The following CYRIB variants were observed in gnomAD, a reference collection of about 807,000 sequenced individuals.
CYRIB encodes the protein CYFIP-related Rac1 interactor B.
A neutral mutation model predicts 44.2 loss-of-function variants in CYRIB; 8 were observed. The observed-to-expected ratio is 0.18, with a 90% CI of 0.11 to 0.33. CYRIB has a LOEUF of 0.33. Ranked by LOEUF, CYRIB falls within the 10% of genes least tolerant of loss-of-function variation. The pLI, the probability that CYRIB is intolerant of heterozygous loss-of-function variation, is 1.00. For missense variants in CYRIB, 185 were observed against 382.8 expected (o/e 0.48, Z 4.31); for synonymous variants, 131 against 127.2 (o/e 1.03, Z -0.20).
chr8:130,004,614 T>G (rs1485023810), intron 1 of CYRIB: 1 of 152,142 alleles, frequency 6.6e-6, no homozygotes, highest in Admixed American at 6.5e-5. Context: ...TTTTCTATTT[T>G]TTGTATATTG....
chr8:130,016,520 C>T, upstream of CYRIB: 1 of 159,630 alleles, frequency 6.3e-6, no homozygotes, highest in Non-Finnish European at 1.3e-5. Context: ...GCAGCAGCAG[C>T]AGCAGCAGCA....
chr8:130,003,078 C>T (rs1219001945), intron 1 of CYRIB, among the ~76,000 whole-genome samples: 1 of 152,144 alleles, frequency 6.6e-6, no homozygotes, highest in East Asian at 1.9e-4. Context: ...ATTAGGGAAC[C>T]ACTGCTGTTC....
intron 2 of CYRIB, among the ~76,000 whole-genome samples, chr8:129,966,967 T>C (rs1455080784): frequency 3.3e-5 from 5 of 152,158 alleles, no homozygotes; most frequent in Admixed American, 6.5e-5. Context: ...AATGCTGGGA[T>C]TGCAGGCATA....
chr8:129,855,750 A>T lies in CYRIB; in HGVS notation c.302-3T>A. The T allele has an allele frequency of 1.9e-6, 3 of 1,592,296 alleles. No homozygotes were observed. The highest frequency in any genetic ancestry group is 2.6e-6 in the Non-Finnish European group (3 of 1,171,270). ...CAGAAGACCTCTTAATGCTGCTTCT[A>T]AAGAAAAAAATTGAAAAAAACATTA... is the stretch of plus-strand genomic sequence containing the variant. On this transcript the variant is annotated splice_region_variant and splice_polypyrimidine_tract_variant and intron_variant, in intron 5 of 11. Coordinates refer to ENST00000519824, the Ensembl canonical transcript of CYRIB.
At chr8:129,905,069 G>C (rs999614853) in intron 1 of CYRIB, among the ~76,000 whole-genome samples, 2 of 152,186 alleles carry the variant, frequency 1.3e-5, no homozygotes, top group Non-Finnish European at 2.9e-5. Context: ...CAGGCCAAAT[G>C]AAACAGTCTA....
At chr8:129,947,674 G>A (rs2094246003) in intron 2 of CYRIB, 1 of 152,164 alleles carries the variant, frequency 6.6e-6, no homozygotes, top group Admixed American at 6.5e-5. Flanking sequence ...GCAAATGAAA[G>A]AAAAAATAAA....
chr8:129,881,895 A>C (rs1564566439), intron 2 of CYRIB, among the ~76,000 whole-genome samples: 1 of 152,236 alleles, frequency 6.6e-6, no homozygotes. Context: ...AAAGGAAAAG[A>C]TAAACATTTT....
At chr8:129,988,450 TC>T (rs963719249) in intron 1 of CYRIB, among the ~76,000 whole-genome samples, 7 of 152,174 alleles carry the variant, frequency 4.6e-5, no homozygotes, top group African/African-American at 1.4e-4. Context: ...TATGCTGAGA[TC>T]CTTCCCACCT....
intron 4 of CYRIB, among the ~76,000 whole-genome samples, chr8:129,866,077 A>G (rs116479851): frequency 0.044 from 6,682 of 152,288 alleles, 236 homozygotes; most frequent in African/African-American, 0.096. Flanking sequence ...GAGAAAAGTC[A>G]TAATTGAAGC....
chr8:129,914,894 A>G (rs990822115), intron 1 of CYRIB, among the ~76,000 whole-genome samples: 3 of 152,234 alleles, frequency 2.0e-5, no homozygotes, highest in Admixed American at 2.0e-4. Flanking sequence ...AACAGGCAAA[A>G]GATTTCAACA....
intron 1 of CYRIB, among the ~76,000 whole-genome samples, chr8:129,996,260 C>T (rs765687097): frequency 6.6e-6 from 1 of 152,126 alleles, no homozygotes; most frequent in Non-Finnish European, 1.5e-5. Context: ...GATCAATGTC[C>T]CCCAACCCCC....
intron 1 of CYRIB, among the ~76,000 whole-genome samples, chr8:129,991,133 G>GAAA (rs35682865): frequency 1.2e-4 from 8 of 67,726 alleles, no homozygotes; most frequent in Non-Finnish European, 1.7e-4. Flanking sequence ...CTCTGTCTCA[G>GAAA]AAAAAAAAAA....
intron 2 of CYRIB, chr8:129,970,690 A>T (rs2095658470): frequency 6.6e-6 from 1 of 152,096 alleles, no homozygotes; most frequent in African/African-American, 2.4e-5. Flanking sequence ...CCCAGCCTAT[A>T]GTTCTTATTT....
At chr8:129,844,788 T>C (rs1354511870) in intron 11 of CYRIB, among the ~76,000 whole-genome samples, 1 of 152,220 alleles carries the variant, frequency 6.6e-6, no homozygotes, top group Non-Finnish European at 1.5e-5. Context: ...GTAGTACTTT[T>C]GGGGTTACAA....
chr8:129,846,861 A>T, exon 11 of CYRIB: 1 of 1,589,512 alleles, frequency 6.3e-7, no homozygotes. Context: ...AAGAACTTTG[A>T]TACAACCTTT....
intron 1 of CYRIB, among the ~76,000 whole-genome samples, chr8:130,001,591 C>T (rs1010969318): frequency 1.4e-5 from 2 of 143,916 alleles, no homozygotes; most frequent in African/African-American, 5.2e-5. Context: ...TGCAATGGCG[C>T]AATCTTGGTT....
At chr8:129,878,476 A>T (rs543845970) in intron 3 of CYRIB, among the ~76,000 whole-genome samples, 4 of 152,334 alleles carry the variant, frequency 2.6e-5, no homozygotes, top group Non-Finnish European at 5.9e-5. Context: ...CTTAAATTTT[A>T]AGTATATAAA....
upstream of CYRIB, among the ~76,000 whole-genome samples, chr8:129,944,151 A>G (rs566362054): frequency 1.3e-5 from 2 of 152,154 alleles, no homozygotes; most frequent in South Asian, 2.1e-4. Context: ...GGTATGTTTT[A>G]TATCAGGATC....
At chr8:129,941,295 T>G, upstream of CYRIB, among the ~76,000 whole-genome samples, 3 of 113,816 alleles carry the variant, frequency 2.6e-5, no homozygotes, top group Admixed American at 9.9e-5. Flanking sequence ...TTTTTTTTGG[T>G]GATGGAGTCT....
Sources: gnomAD v4.1 joint callset for allele counts (sites outside exome capture counted in the v4.1 genomes callset) on GRCh38, gnomAD v4.1.1 for gene constraint, MANE v1.5 for transcripts, NCBI Gene and HGNC (gene_info 2026-07-23, HGNC 2026-07-21) for gene names.